The following LIMK1 variants were observed in gnomAD, a reference collection of about 807,000 sequenced individuals.
LIMK1 encodes the protein LIM domain kinase 1, also known as LIM motif-containing protein kinase.
Under a neutral mutation model 77.6 loss-of-function variants are expected in LIMK1, and 21 were observed. The observed-to-expected ratio is 0.27, with a 90% CI of 0.19 to 0.39. The LOEUF (loss-of-function observed/expected upper bound fraction) is 0.39, where lower values mean the gene tolerates loss of function less well. LIMK1 is among the 10% of genes least tolerant of loss of function. The pLI, the probability that LIMK1 is intolerant of heterozygous loss-of-function variation, is 1.00. For missense variants in LIMK1, 696 were observed against 901.6 expected, an observed-to-expected ratio of 0.77 and a Z score of 2.92; for synonymous variants, 358 against 370.0, an observed-to-expected ratio of 0.97 and a Z score of 0.37.
intron 13 of LIMK1, 39 bp from the exon 14 acceptor site, chr7:74,120,544 C>T (rs201566876): frequency 6.2e-7 from 1 of 1,610,590 alleles, no homozygotes; most frequent in Non-Finnish European, 8.5e-7. Context: ...CCTGGCACCC[C>T]CATGTGTTCA....
Position 74,083,823 on chromosome 7 carries a change from G to T in LIMK1, c.-168G>T, listed in dbSNP as rs1378584313. ...CCCTCCGCTCGCTCCCCAAGCCGCC[G>T]CGGCGCCGAGCCGGTTTCCCCGCCG... On this transcript the variant is annotated 5_prime_UTR_variant, in exon 1 of 16. Coordinates refer to ENST00000336180, the MANE Select transcript of LIMK1 (RefSeq NM_002314.4). The T allele has an allele frequency of 6.9e-6, 1 of 145,698 alleles. No individual in the cohort carries two copies. Among genetic ancestry groups the T allele is most frequent in the East Asian group, 2.0e-4 (1 of 4,972 alleles). 9.0% of individuals were successfully genotyped at this position (145,698 alleles called of 1,614,324 possible). A position where few individuals can be genotyped will look rare whatever the true frequency, so the allele number is the denominator to read the frequency against.
At chr7:74,092,551 G>A (rs1485390802) in intron 2 of LIMK1, among the ~76,000 whole-genome samples, 1 of 152,164 alleles carries the variant, frequency 6.6e-6, no homozygotes, top group Admixed American at 6.5e-5. Flanking sequence ...TGCAGGCCCT[G>A]CCTCCCGGAA....
In LIMK1 at chr7:74,091,372, C is replaced by T. The variant is rs575897015; in HGVS notation, c.153-5250C>T. 3.3e-5 allele frequency among the ~76,000 whole-genome samples: 5 copies of T among 152,182 alleles called. 1 individual carries two copies. The highest frequency in any genetic ancestry group is 9.6e-5 in the African/African-American group (4 of 41,552). On this transcript the variant is annotated intron_variant, in intron 2 of 15. Coordinates refer to ENST00000336180, the MANE Select transcript of LIMK1 (RefSeq NM_002314.4). Reference sequence around the variant, plus strand: ...GACTCCATCTCTACAAAAAAATTAGCCAGGCGTGGTGGTGCGTACCTGTAG... The same window carrying T: ...GACTCCATCTCTACAAAAAAATTAGTCAGGCGTGGTGGTGCGTACCTGTAG...
chr7:74,107,503 C>T (rs910499069), intron 8 of LIMK1, among the ~76,000 whole-genome samples: 1 of 152,034 alleles, frequency 6.6e-6, no homozygotes, highest in Middle Eastern at 3.2e-3. Flanking sequence ...CAAGACCAGC[C>T]TTGACATCAT....
chr7:74,085,902 G>C, intron 2 of LIMK1, 58 bp downstream of exon 2: 1 of 1,335,944 alleles, frequency 7.5e-7, no homozygotes, highest in Non-Finnish European at 1.0e-6. Flanking sequence ...AGAGAGGACA[G>C]GCTGGTCAAG....
chr7:74,085,711 C>G, intron 1 of LIMK1, 37 bp from the exon 2 acceptor site: 1 of 1,521,512 alleles, frequency 6.6e-7, no homozygotes, highest in Non-Finnish European at 8.9e-7. Context: ...GATCACACTT[C>G]CTGAGAATGC....
At chr7:74,118,867 A>G (rs190288474) in intron 13 of LIMK1, among the ~76,000 whole-genome samples, 1 of 152,058 alleles carries the variant, frequency 6.6e-6, no homozygotes, top group Non-Finnish European at 1.5e-5. Context: ...ATTTAGTACT[A>G]ATTGTTTCGG....
intron 10 of LIMK1, chr7:74,111,239 C>T (rs1234566190): frequency 5.1e-6 from 1 of 195,138 alleles, no homozygotes; most frequent in African/African-American, 2.3e-5. Flanking sequence ...GAGTTCAAGA[C>T]CAGCCTGACC....
At chr7:74,094,696 C>A (rs1159120642) in intron 2 of LIMK1, among the ~76,000 whole-genome samples, 1 of 152,130 alleles carries the variant, frequency 6.6e-6, no homozygotes, top group Non-Finnish European at 1.5e-5. Flanking sequence ...ACGGGAGGTG[C>A]CCTGTAGACC....
chr7:74,108,754 A>C, intron 9 of LIMK1, 151 bp from the exon 10 acceptor site: 2 of 1,277,504 alleles, frequency 1.6e-6, no homozygotes, highest in Non-Finnish European at 2.1e-6. Context: ...ACAGGACGCC[A>C]GAGGGTGTGG....
At position 74,083,965 on chromosome 7, in the gene LIMK1, G is replaced by C. The variant is rs1799079675; in HGVS notation, c.-26G>C. On this transcript the variant is annotated 5_prime_UTR_variant, in exon 1 of 16. Coordinates refer to ENST00000336180, the MANE Select transcript of LIMK1 (RefSeq NM_002314.4). ...CCCGGCCGCCCCCAGCCCCAGCCCCGCCGGGCCCCGCCCCCCGTCGAGTGC... is the reference window on the plus strand; with the variant it reads ...CCCGGCCGCCCCCAGCCCCAGCCCCCCCGGGCCCCGCCCCCCGTCGAGTGC... 3 of 1,096,642 alleles carry C rather than the reference G, an allele frequency of 2.7e-6. No individual in the cohort carries two copies. Among genetic ancestry groups the C allele is most frequent in the Non-Finnish European group, 3.6e-6 (3 of 833,844 alleles). 67.9% of individuals were successfully genotyped at this position (1,096,642 alleles called of 1,614,324 possible).
At chr7:74,091,090 G>A (rs1013362922) in intron 2 of LIMK1, among the ~76,000 whole-genome samples, 3 of 151,484 alleles carry the variant, frequency 2.0e-5, no homozygotes, top group African/African-American at 2.4e-5. Context: ...ATTTTTTTTT[G>A]TTTGTTTGTA....
intron 5 of LIMK1, among the ~76,000 whole-genome samples, chr7:74,099,506 G>A (rs1224405954): frequency 4.6e-5 from 7 of 152,096 alleles, no homozygotes; most frequent in African/African-American, 1.7e-4. Context: ...CGAAGTGGGT[G>A]GATCACCTGA....
rs560516364 is a variant in LIMK1, at chr7:74,092,039, T to C, written c.153-4583T>C. On this transcript the variant is annotated intron_variant, in intron 2 of 15. Coordinates refer to ENST00000336180, the MANE Select transcript of LIMK1 (RefSeq NM_002314.4). ...TGGAGTGCAGTGGCGTGATCTCAGCTCACTGCAACCTCCGCCTCCCGGGTT... is the reference window on the plus strand; with the variant it reads ...TGGAGTGCAGTGGCGTGATCTCAGCCCACTGCAACCTCCGCCTCCCGGGTT... Among the ~76,000 whole-genome samples the C allele has an allele frequency of 4.5e-3, 632 of 138,962 alleles. 4 individuals are homozygous for C. Among genetic ancestry groups the C allele is most frequent in the Non-Finnish European group, 7.2e-3 (474 of 65,744 alleles). 91.2% of individuals were successfully genotyped at this position (138,962 alleles called of 152,430 possible).
At chr7:74,085,279 T>C (rs1226513932) in intron 1 of LIMK1, among the ~76,000 whole-genome samples, 1 of 152,178 alleles carries the variant, frequency 6.6e-6, no homozygotes, top group Non-Finnish European at 1.5e-5. Context: ...TTCCTGCCCT[T>C]GACCTCCCAG....
chr7:74,100,821 C>T (rs961912341), intron 5 of LIMK1, among the ~76,000 whole-genome samples: 15 of 151,544 alleles, frequency 9.9e-5, no homozygotes, highest in African/African-American at 3.6e-4. Context: ...CTGCAAGCCC[C>T]GCCTCCTGGG....
At chr7:74,094,351 G>C (rs1799296677) in intron 2 of LIMK1, 1 of 152,298 alleles carries the variant, frequency 6.6e-6, no homozygotes, top group Non-Finnish European at 1.5e-5. Context: ...GTTTCTGCGT[G>C]AGCGAGTGAA....
chr7:74,083,807 C>A lies in LIMK1; in HGVS notation c.-184C>A, dbSNP rs1317255455. 2 of 146,104 alleles carry A rather than the reference C, an allele frequency of 1.4e-5. No homozygotes were observed. Among genetic ancestry groups the A allele is most frequent in the East Asian group, 2.0e-4 (1 of 4,992 alleles). 9.1% of individuals were successfully genotyped at this position (146,104 alleles called of 1,614,324 possible). A position where few individuals can be genotyped will look rare whatever the true frequency, so the allele number is the denominator to read the frequency against. On this transcript the variant is annotated 5_prime_UTR_variant, in exon 1 of 16. Coordinates refer to ENST00000336180, the MANE Select transcript of LIMK1 (RefSeq NM_002314.4). Reference sequence around the variant, plus strand: ...CCCCGCCTCGGTCCGCCCCTCCGCTCGCTCCCCAAGCCGCCGCGGCGCCGA... The same window carrying A: ...CCCCGCCTCGGTCCGCCCCTCCGCTAGCTCCCCAAGCCGCCGCGGCGCCGA...
At chr7:74,112,215 T>G (rs1799714005) in intron 12 of LIMK1, among the ~76,000 whole-genome samples, 1 of 152,070 alleles carries the variant, frequency 6.6e-6, no homozygotes, top group Non-Finnish European at 1.5e-5. Flanking sequence ...TGACTCATGG[T>G]GGACCATCAG....
Sources: gnomAD v4.1 joint callset for allele counts (sites outside exome capture counted in the v4.1 genomes callset) on GRCh38, gnomAD v4.1.1 for gene constraint, MANE v1.5 for transcripts, NCBI Gene and HGNC (gene_info 2026-07-23, HGNC 2026-07-21) for gene names.